The following FHOD3 variants were observed in gnomAD, a reference collection of about 807,000 sequenced individuals.
FHOD3 encodes the protein formin homology 2 domain containing 3.
A neutral mutation model predicts 173.0 loss-of-function variants in FHOD3; 90 were observed. The observed-to-expected ratio is 0.52, with a 90% confidence interval of 0.44 to 0.62. The LOEUF is 0.62. FHOD3 is among the 20% of genes least tolerant of loss of function. The pLI is 0.00. For synonymous variants in FHOD3, 828 were observed against 823.0 expected (o/e 1.01, Z -0.10); for missense variants, 1,945 against 2,034.7 (o/e 0.96, Z 0.85).
intron 5 of FHOD3, among the ~76,000 whole-genome samples, chr18:36,513,750 CAG>C (rs1231413439): frequency 6.6e-6 from 1 of 151,772 alleles, no homozygotes; most frequent in East Asian, 1.9e-4. Context: ...TTAAAAGCAA[CAG>C]AGAGAACGTA....
At chr18:36,420,408 A>C (rs145553349) in intron 3 of FHOD3, among the ~76,000 whole-genome samples, 1 of 152,124 alleles carries the variant, frequency 6.6e-6, no homozygotes, top group African/African-American at 2.4e-5. Context: ...TTGCCACCTG[A>C]CACTGTAGCA....
rs773947391 is a variant in FHOD3 at position 36,779,461 on chromosome 18, G to C, written c.4800G>C (p.Leu1600=). 1.2e-5 allele frequency: 19 copies of C among 1,614,078 alleles called. No homozygotes were observed. Among genetic ancestry groups the C allele is most frequent in the Middle Eastern group, 1.6e-4 (1 of 6,080 alleles). Residue 1600 remains leucine, a synonymous_variant, in exon 29 of 29, where the codon CTG becomes CTC. Transcript: ENST00000590592. ...CCACCACTGCAGTGCGAAGAACCCT[G>C]AAGAGCGGCCTGACCCCAGAAGAAG... ...RANRKSLRRT[L]KSGLTPEEAR...
At chr18:36,340,417 C>T (rs934910027) in intron 1 of FHOD3, among the ~76,000 whole-genome samples, 3 of 152,096 alleles carry the variant, frequency 2.0e-5, no homozygotes, top group African/African-American at 7.2e-5. Context: ...GCATACATAT[C>T]TTGGCAAAGG....
At chr18:36,683,476 A>G (rs371667133) in intron 15 of FHOD3, among the ~76,000 whole-genome samples, 1 of 152,230 alleles carries the variant, frequency 6.6e-6, no homozygotes, top group African/African-American at 2.4e-5. Context: ...ACTCTGAAAT[A>G]TAAAAGAGAG....
chr18:36,312,602 T>C (rs556433132), intron 1 of FHOD3, among the ~76,000 whole-genome samples: 99 of 152,338 alleles, frequency 6.5e-4, no homozygotes, highest in Admixed American at 2.7e-3. Flanking sequence ...ATCCCTGCTC[T>C]GTCAGAATCA....
intron 5 of FHOD3, among the ~76,000 whole-genome samples, chr18:36,522,383 G>A (rs78898596): frequency 0.012 from 1,884 of 152,346 alleles, 42 homozygotes; most frequent in African/African-American, 0.042. Context: ...AGCACAAGGT[G>A]ATTTGGTTTT....
chr18:36,694,074 CCTGCTCTGCATA>C (rs771418869), intron 17 of FHOD3, among the ~76,000 whole-genome samples: 76 of 152,272 alleles, frequency 5.0e-4, no homozygotes, highest in Middle Eastern at 3.4e-3. Flanking sequence ...TGTTTTCCTG[CCTGCTCTGCATA>C]CTGTGGGTCC....
chr18:36,533,016 G>A (rs1331657470), intron 5 of FHOD3, among the ~76,000 whole-genome samples: 1 of 152,198 alleles, frequency 6.6e-6, no homozygotes, highest in Non-Finnish European at 1.5e-5. Flanking sequence ...GAGGGGCTTT[G>A]TAAGGATCCA....
chr18:36,324,078 A>G (rs2044541085), intron 1 of FHOD3, among the ~76,000 whole-genome samples: 2 of 152,232 alleles, frequency 1.3e-5, no homozygotes, highest in Non-Finnish European at 2.9e-5. Flanking sequence ...AGACAAATAG[A>G]CCAGTGGAAC....
At chr18:36,316,124 T>TA (rs754327581) in intron 1 of FHOD3, among the ~76,000 whole-genome samples, 1,887 of 139,830 alleles carry the variant, frequency 0.013, 19 homozygotes, top group African/African-American at 0.038. Context: ...TTGCTCTCAT[T>TA]AAAAAAAAAA....
intron 18 of FHOD3, among the ~76,000 whole-genome samples, chr18:36,713,908 C>T (rs1243856932): frequency 1.3e-5 from 2 of 151,972 alleles, no homozygotes; most frequent in African/African-American, 2.4e-5. Context: ...ATCAGTAATT[C>T]CTTTAAATTA....
chr18:36,641,952 C>CAAA (rs11379735), intron 10 of FHOD3, among the ~76,000 whole-genome samples: 1 of 137,146 alleles, frequency 7.3e-6, no homozygotes, highest in Non-Finnish European at 1.6e-5. Flanking sequence ...AACTCGGTCT[C>CAAA]AAAAAAAAAA....
chr18:36,339,927 C>G (rs2045528184), intron 1 of FHOD3, among the ~76,000 whole-genome samples: 1 of 152,156 alleles, frequency 6.6e-6, no homozygotes, highest in African/African-American at 2.4e-5. Flanking sequence ...GTCTGAGTGA[C>G]CCTATGCATA....
chr18:36,304,867 A>G (rs113467124), intron 1 of FHOD3, among the ~76,000 whole-genome samples: 3 of 152,332 alleles, frequency 2.0e-5, no homozygotes, highest in African/African-American at 7.2e-5. Flanking sequence ...CAGTTTCCTA[A>G]GGCTGTTGAT....
intron 3 of FHOD3, among the ~76,000 whole-genome samples, chr18:36,434,735 C>A (rs1180615423): frequency 1.3e-5 from 2 of 151,942 alleles, no homozygotes; most frequent in African/African-American, 2.4e-5. Context: ...TTTCTTCCTG[C>A]AAAGTTTTAT....
chr18:36,527,772 A>G (rs2056594298), intron 5 of FHOD3, among the ~76,000 whole-genome samples: 2 of 151,800 alleles, frequency 1.3e-5, no homozygotes, highest in African/African-American at 4.8e-5. Context: ...CTGGATCTAT[A>G]TTTGGGTGGA....
intron 20 of FHOD3, among the ~76,000 whole-genome samples, chr18:36,736,872 A>G (rs1182441233): frequency 6.6e-6 from 1 of 152,214 alleles, no homozygotes; most frequent in Non-Finnish European, 1.5e-5. Context: ...TCTGCCTAGA[A>G]TTTCTCTGCT....
intron 22 of FHOD3, among the ~76,000 whole-genome samples, chr18:36,743,610 T>C (rs550450973): frequency 6.6e-6 from 1 of 152,296 alleles, no homozygotes; most frequent in South Asian, 2.1e-4. Context: ...ACATGTGCCC[T>C]GGTAGTTTGC....
chr18:36,518,572 TG>T (rs1342865687), intron 5 of FHOD3, among the ~76,000 whole-genome samples: 4 of 152,224 alleles, frequency 2.6e-5, no homozygotes, highest in African/African-American at 9.6e-5. Flanking sequence ...TGGCAGCCTG[TG>T]GGGCTGAATG....
Sources: gnomAD v4.1 joint callset for allele counts (sites outside exome capture counted in the v4.1 genomes callset) on GRCh38, gnomAD v4.1.1 for gene constraint, MANE v1.5 for transcripts, NCBI Gene and HGNC (gene_info 2026-07-23, HGNC 2026-07-21) for gene names.